NTM: variants seen among roughly 807,000 people sequenced by gnomAD.
NTM encodes neurotrimin, also known as IgLON family member 2.
In NTM, 13 loss-of-function variants were observed where a neutral mutation model predicts 42.1. The observed-to-expected ratio is 0.31, with a 90% confidence interval of 0.20 to 0.49. The LOEUF is 0.49. NTM is among the 20% of genes least tolerant of loss of function. NTM has a pLI of 0.99. For synonymous variants in NTM, 187 were observed against 179.2 expected, an observed-to-expected ratio of 1.04 and a Z score of -0.35; for missense variants, 373 against 452.8, an observed-to-expected ratio of 0.82 and a Z score of 1.60.
chr11:131,769,084 T>C (rs1248819844), intron 1 of NTM, among the ~76,000 whole-genome samples: 1 of 152,194 alleles, frequency 6.6e-6, no homozygotes, highest in African/African-American at 2.4e-5. Flanking sequence ...AGACCAGGCA[T>C]AGAGCATGTG....
At chr11:132,203,437 G>T (rs1309718643) in intron 3 of NTM, among the ~76,000 whole-genome samples, 3 of 152,142 alleles carry the variant, frequency 2.0e-5, no homozygotes, top group Non-Finnish European at 4.4e-5. Context: ...TCTAATGATT[G>T]CCATGCACTT....
rs569606010 is a variant in NTM at position 131,472,302 on chromosome 11, A to G, written c.82+101414A>G. Among the ~76,000 whole-genome samples, 31 of 152,364 alleles carry G rather than the reference A, an allele frequency of 2.0e-4. 1 individual carries two copies. The highest frequency in any genetic ancestry group is 5.8e-4 in the African/African-American group (24 of 41,586). Reference sequence around the variant, plus strand: ...GGGCTCTCCGGTACCACTCTTGCCCAGGAAATGATTGCAAAGGTGTTTGGG... The same window carrying G: ...GGGCTCTCCGGTACCACTCTTGCCCGGGAAATGATTGCAAAGGTGTTTGGG... On this transcript the variant is annotated intron_variant, in intron 1 of 8. Transcript: ENST00000683400.
intron 1 of NTM, among the ~76,000 whole-genome samples, chr11:131,873,377 G>T (rs1020704696): frequency 6.6e-6 from 1 of 151,274 alleles, no homozygotes; most frequent in African/African-American, 2.4e-5. Flanking sequence ...GGGGGGCAAG[G>T]GGAGATACAG....
intron 3 of NTM, among the ~76,000 whole-genome samples, chr11:132,202,506 G>A (rs1310788738): frequency 6.6e-6 from 1 of 152,078 alleles, no homozygotes; most frequent in Non-Finnish European, 1.5e-5. Context: ...CTGTCTGGAT[G>A]GCAGGTCCAC....
intron 4 of NTM, among the ~76,000 whole-genome samples, chr11:132,305,232 A>G (rs2095035078): frequency 6.6e-6 from 1 of 152,212 alleles, no homozygotes; most frequent in African/African-American, 2.4e-5. Flanking sequence ...TGAATTATGG[A>G]ATTGAAACAG....
At chr11:131,826,860 G>A (rs561951445) in intron 1 of NTM, among the ~76,000 whole-genome samples, 22 of 152,240 alleles carry the variant, frequency 1.4e-4, no homozygotes, top group African/African-American at 5.3e-4. Flanking sequence ...TGTAGGAGTA[G>A]CGTGCTTGCA....
At chr11:131,414,364 A>G (rs1468031418) in intron 1 of NTM, among the ~76,000 whole-genome samples, 1 of 152,124 alleles carries the variant, frequency 6.6e-6, no homozygotes, top group East Asian at 1.9e-4. Context: ...TGGCCTGCCC[A>G]TTGCTGAGCT....
intron 4 of NTM, among the ~76,000 whole-genome samples, chr11:132,244,509 G>C (rs2090748100): frequency 6.6e-6 from 1 of 152,142 alleles, no homozygotes; most frequent in Non-Finnish European, 1.5e-5. Context: ...TTCTTGGGTG[G>C]TGATTCAGTA....
chr11:132,291,151 T>C (rs1024942966), intron 4 of NTM, among the ~76,000 whole-genome samples: 1 of 152,168 alleles, frequency 6.6e-6, no homozygotes, highest in Admixed American at 6.5e-5. Flanking sequence ...ATAGATAATA[T>C]TTGTAAATAA....
rs76856063 is a variant in NTM, at chr11:131,391,089, G to A, written c.82+20201G>A. Among the ~76,000 whole-genome samples, 889 of 152,262 alleles carry A rather than the reference G, an allele frequency of 5.8e-3. 12 individuals carry two copies. The highest frequency in any genetic ancestry group is 0.019 in the African/African-American group (793 of 41,538). ...CTTACTACACGTGTGCTACTACCAT[G>A]TGCCAGGCACTGCTAAATGTTTTAT... On this transcript the variant is annotated intron_variant, in intron 1 of 8. Coordinates refer to ENST00000683400, the MANE Select transcript of NTM (RefSeq NM_001352005.2).
chr11:131,875,866 A>G (rs1413818181), intron 1 of NTM, among the ~76,000 whole-genome samples: 2 of 152,166 alleles, frequency 1.3e-5, no homozygotes, highest in East Asian at 1.9e-4. Context: ...AGGCTTTCCA[A>G]GAACTGTTTT....
At chr11:131,958,668 C>T (rs770863695) in intron 2 of NTM, among the ~76,000 whole-genome samples, 5 of 152,214 alleles carry the variant, frequency 3.3e-5, no homozygotes, top group Admixed American at 6.5e-5. Flanking sequence ...AGTGCAGCTA[C>T]GTTTTGTAAT....
intron 1 of NTM, chr11:131,538,374 C>G (rs1225850160): frequency 6.6e-6 from 1 of 152,172 alleles, no homozygotes; most frequent in African/African-American, 2.4e-5. Flanking sequence ...GCATTGGTGT[C>G]TGCAGAATCT....
intron 2 of NTM, among the ~76,000 whole-genome samples, chr11:131,990,804 A>T (rs2066882187): frequency 6.6e-6 from 1 of 152,170 alleles, no homozygotes; most frequent in South Asian, 2.1e-4. Context: ...AAAGGATCAC[A>T]TTTTCATCTC....
intron 8 of NTM, among the ~76,000 whole-genome samples, chr11:132,333,752 C>G (rs2095842391): frequency 6.6e-6 from 1 of 152,122 alleles, no homozygotes; most frequent in Admixed American, 6.5e-5. Context: ...TGACCTATTG[C>G]ATTTCAATCT....
chr11:131,936,959 C>T (rs1158756630), intron 2 of NTM, among the ~76,000 whole-genome samples: 1 of 152,180 alleles, frequency 6.6e-6, no homozygotes. Flanking sequence ...AACTGCTTAG[C>T]AAAGAGTCAA....
chr11:132,168,752 T>C (rs1413170253), intron 3 of NTM, among the ~76,000 whole-genome samples: 2 of 152,202 alleles, frequency 1.3e-5, no homozygotes. Context: ...CCAGCTCTCC[T>C]GGGGAATCTT....
rs561141702 is a variant in NTM, at chr11:132,334,545, GGAAGCAGAAGCA to G, written c.968-499_968-488del. On this transcript the variant is annotated intron_variant, in intron 8 of 8. Transcript: ENST00000683400. ...TTGGCAGGATGGCCTCTGTGCCCAAGGAAGCAGAAGCAGCAGGCAGACACATTGTTTTGTCCA... is the reference window on the plus strand; with the variant it reads ...TTGGCAGGATGGCCTCTGTGCCCAAGGCAGGCAGACACATTGTTTTGTCCA... Among the ~76,000 whole-genome samples the G allele has an allele frequency of 2.9e-4, 44 of 152,324 alleles. No individual in the cohort carries two copies. The South Asian group carries it at 8.7e-3, about 30-fold the overall frequency.
chr11:131,812,519 T>C (rs546417775), intron 1 of NTM, among the ~76,000 whole-genome samples: 137 of 151,540 alleles, frequency 9.0e-4, no homozygotes, highest in Non-Finnish European at 1.9e-3. Context: ...TCCTCCTCCA[T>C]ACAATGTACA....
Sources: allele counts gnomAD v4.1 joint callset (sites outside exome capture counted in the v4.1 genomes callset), GRCh38; gene constraint gnomAD v4.1.1; transcripts MANE v1.5; gene names NCBI Gene and HGNC (gene_info 2026-07-23, HGNC 2026-07-21).